The following SGCZ variants were observed in gnomAD, a reference collection of about 807,000 sequenced individuals.
The protein encoded by SGCZ is zeta-sarcoglycan.
A neutral mutation model predicts 41.3 loss-of-function variants in SGCZ; 40 were observed. The ratio of observed to expected loss-of-function variants is 0.97; its 90% confidence interval spans 0.75 to 1.26. SGCZ has a LOEUF of 1.26. Ranked by LOEUF, SGCZ falls within the 50% of genes most tolerant of loss-of-function variation. The pLI is 0.00. For missense variants in SGCZ, 552 were observed against 369.8 expected (o/e 1.49, Z -4.04); for synonymous variants, 206 against 137.5 (o/e 1.50, Z -3.49).
chr8:14,916,743 A>G (rs544216973), intron 1 of SGCZ, among the ~76,000 whole-genome samples: 21 of 152,266 alleles, frequency 1.4e-4, no homozygotes, highest in Non-Finnish European at 2.6e-4. Context: ...GAAAACTGTT[A>G]TTGTGTAACT....
intron 1 of SGCZ, among the ~76,000 whole-genome samples, chr8:14,676,324 C>T (rs35194664): frequency 0.55 from 83,681 of 151,308 alleles, 24,422 homozygotes; most frequent in East Asian, 0.76. Flanking sequence ...AGAGAGATCC[C>T]ACCTCTACAA....
At position 14,608,443 on chromosome 8, in the gene SGCZ, C is replaced by T. The variant is rs1045161527; in HGVS notation, c.40-53517G>A. Among the ~76,000 whole-genome samples the T allele has an allele frequency of 2.7e-5, 4 of 147,684 alleles. No individual in the cohort carries two copies. In the South Asian group the frequency reaches 6.7e-4, roughly 25 times the overall value. ...GGATATTTTACTCATGGCAAAGGGGCGGGGAGGCGGGGGGCAGATGTGTCA... is the reference window on the plus strand; with the variant it reads ...GGATATTTTACTCATGGCAAAGGGGTGGGGAGGCGGGGGGCAGATGTGTCA... On this transcript the variant is annotated intron_variant, in intron 1 of 7. Transcript: ENST00000382080.
At chr8:14,745,737 A>G (rs2130297342) in intron 1 of SGCZ, among the ~76,000 whole-genome samples, 1 of 152,190 alleles carries the variant, frequency 6.6e-6, no homozygotes, top group Admixed American at 6.5e-5. Context: ...ACAAGAAGAA[A>G]TGACCCAGGG....
At chr8:14,155,247 T>C (rs1258622237) in intron 5 of SGCZ, among the ~76,000 whole-genome samples, 1 of 152,184 alleles carries the variant, frequency 6.6e-6, no homozygotes, top group Non-Finnish European at 1.5e-5. Context: ...TTGTGCTAAA[T>C]CTCTTCAAGT....
rs974363736 is a variant in SGCZ, at chr8:15,217,349, G to A, written c.39+20236C>T. ...GGAGAATGGCGTGAACCCGGGAGGC[G>A]GAGCTTGCAGTGAGTCGAGATTGCG... is the stretch of plus-strand genomic sequence containing the variant. On this transcript the variant is annotated intron_variant, in intron 1 of 7. Transcript: ENST00000382080. Among the ~76,000 whole-genome samples the A allele has an allele frequency of 3.3e-5, 5 of 151,232 alleles. No individual in the cohort carries two copies. In the South Asian group the frequency reaches 8.4e-4, roughly 25 times the overall value.
chr8:15,161,855 C>T lies in SGCZ; in HGVS notation c.39+75730G>A, dbSNP rs186808806. Among the ~76,000 whole-genome samples, 905 of 152,080 alleles carry T rather than the reference C, an allele frequency of 6.0e-3. 12 individuals are homozygous for T. Among genetic ancestry groups the T allele is most frequent in the African/African-American group, 0.021 (854 of 41,480 alleles). ...TTCAAGACCAGCCTGGGCAACATGA[C>T]GAAACCCCATATCTATAAAAATTAC... is the stretch of plus-strand genomic sequence containing the variant. On this transcript the variant is annotated intron_variant, in intron 1 of 7. Coordinates refer to ENST00000382080, the MANE Select transcript of SGCZ (RefSeq NM_139167.4).
chr8:14,386,158 G>C (rs192174920), intron 2 of SGCZ, among the ~76,000 whole-genome samples: 5 of 152,146 alleles, frequency 3.3e-5, no homozygotes, highest in Admixed American at 3.3e-4. Context: ...TATTACACTT[G>C]CATTTCTCAG....
intron 2 of SGCZ, among the ~76,000 whole-genome samples, chr8:14,464,876 A>T (rs561029790): frequency 1.3e-4 from 19 of 151,478 alleles, no homozygotes; most frequent in Non-Finnish European, 2.4e-4. Context: ...TTCCATAAAT[A>T]TGTGAATTTT....
At chr8:14,295,240 G>T (rs891952380) in intron 3 of SGCZ, among the ~76,000 whole-genome samples, 1 of 152,176 alleles carries the variant, frequency 6.6e-6, no homozygotes, top group Non-Finnish European at 1.5e-5. Context: ...CATGCAGTGG[G>T]TTGCTATTCA....
chr8:14,674,801 T>C (rs1044285817), intron 1 of SGCZ, among the ~76,000 whole-genome samples: 6 of 151,840 alleles, frequency 4.0e-5, no homozygotes, highest in African/African-American at 9.7e-5. Context: ...TCCTCCTGCT[T>C]TTGCCATGTA....
At chr8:14,377,155 C>T (rs1402576884) in intron 2 of SGCZ, among the ~76,000 whole-genome samples, 1 of 152,164 alleles carries the variant, frequency 6.6e-6, no homozygotes. Context: ...TGCCATACTC[C>T]CCAACCTCCA....
intron 1 of SGCZ, among the ~76,000 whole-genome samples, chr8:15,135,951 A>G (rs1044249651): frequency 6.6e-6 from 1 of 152,182 alleles, no homozygotes; most frequent in African/African-American, 2.4e-5. Flanking sequence ...ATGCAAATTA[A>G]GGAGATTATG....
chr8:15,164,544 C>A (rs1799598546), intron 1 of SGCZ, among the ~76,000 whole-genome samples: 1 of 151,958 alleles, frequency 6.6e-6, no homozygotes, highest in Non-Finnish European at 1.5e-5. Flanking sequence ...GTGGAAGAAC[C>A]ACTTGCCTAA....
At chr8:14,895,017 G>T (rs975279606) in intron 1 of SGCZ, among the ~76,000 whole-genome samples, 6 of 152,096 alleles carry the variant, frequency 3.9e-5, no homozygotes, top group Non-Finnish European at 1.5e-5. Context: ...GGGGTCCAGG[G>T]TAATAATATA....
At chr8:14,184,745 C>A (rs946107880) in intron 4 of SGCZ, among the ~76,000 whole-genome samples, 1 of 152,136 alleles carries the variant, frequency 6.6e-6, no homozygotes, top group Non-Finnish European at 1.5e-5. Context: ...AGAGAAGTAC[C>A]TTAAACTATG....
intron 5 of SGCZ, among the ~76,000 whole-genome samples, chr8:14,125,179 A>T: frequency 6.6e-6 from 1 of 152,144 alleles, no homozygotes; most frequent in African/African-American, 2.4e-5. Flanking sequence ...ATCCTCATGC[A>T]TAGTAAGAAT....
chr8:14,794,140 G>T lies in SGCZ; in HGVS notation c.40-239214C>A, dbSNP rs376732128. ...AATATATTCAACTCCTATAATTTGA[G>T]CTTTATACCAGCTACAGTCTTCTAC... is the stretch of plus-strand genomic sequence containing the variant. On this transcript the variant is annotated intron_variant, in intron 1 of 7. Coordinates refer to ENST00000382080, the MANE Select transcript of SGCZ (RefSeq NM_139167.4). 3.9e-5 allele frequency among the ~76,000 whole-genome samples: 6 copies of T among 152,224 alleles called. 1 individual carries two copies. The highest frequency in any genetic ancestry group is 1.2e-4 in the African/African-American group (5 of 41,550).
At chr8:14,802,247 A>C (rs1420087675) in intron 1 of SGCZ, among the ~76,000 whole-genome samples, 1 of 152,208 alleles carries the variant, frequency 6.6e-6, no homozygotes, top group Non-Finnish European at 1.5e-5. Flanking sequence ...CAAAAATTTA[A>C]ACCCTTAATG....
chr8:14,422,156 ATC>A (rs750996210), intron 2 of SGCZ, among the ~76,000 whole-genome samples: 15 of 152,210 alleles, frequency 9.9e-5, no homozygotes, highest in Non-Finnish European at 2.1e-4. Flanking sequence ...CTATCTAAAA[ATC>A]TCTCATGAAA....
Sources: allele counts gnomAD v4.1 joint callset (sites outside exome capture counted in the v4.1 genomes callset), GRCh38; gene constraint gnomAD v4.1.1; transcripts MANE v1.5; gene names NCBI Gene and HGNC (gene_info 2026-07-23, HGNC 2026-07-21).